ZC3H15: variants seen among roughly 807,000 people sequenced by gnomAD.
ZC3H15 encodes the protein zinc finger CCCH domain-containing protein 15.
Under a neutral mutation model 51.2 loss-of-function variants are expected in ZC3H15, and 15 were observed. The observed-to-expected ratio is 0.29, with a 90% CI of 0.20 to 0.45. ZC3H15 has a LOEUF of 0.45. Ranked by LOEUF, ZC3H15 falls within the 20% of genes least tolerant of loss-of-function variation. The pLI is 1.00. For synonymous variants in ZC3H15, 144 were observed against 162.8 expected, an observed-to-expected ratio of 0.88 and a Z score of 0.88; for missense variants, 381 against 494.7, an observed-to-expected ratio of 0.77 and a Z score of 2.18.
At chr2:186,499,101 C>T (rs1000236239) in intron 2 of ZC3H15, among the ~76,000 whole-genome samples, 10 of 152,172 alleles carry the variant, frequency 6.6e-5, no homozygotes, top group Non-Finnish European at 1.3e-4. Flanking sequence ...CTTTATACTT[C>T]ATGTTCAGTC....
In ZC3H15 at chr2:186,506,742, A is replaced by G; in HGVS notation, c.996A>G (p.Ile332Met). Residue 332 changes from isoleucine to methionine, a missense_variant, in exon 9 of 10, where the codon ATA (isoleucine) becomes ATG (methionine). Ile to Met is a conservative substitution (Grantham distance 10, BLOSUM62 1). Transcript: ENST00000337859. ...ATGATTCAGTGAGTGTAAATGACATAGATTTAAGCCTGTACATCCCAAGAG... is the reference window on the plus strand; with the variant it reads ...ATGATTCAGTGAGTGTAAATGACATGGATTTAAGCCTGTACATCCCAAGAG... ...EVDDSVSVND[I>M]DLSLYIPRDV... is the part of the protein sequence containing the mutation. 1.9e-6 allele frequency: 3 copies of G among 1,613,000 alleles called. No homozygotes were observed. Among genetic ancestry groups the G allele is most frequent in the Non-Finnish European group, 2.5e-6 (3 of 1,179,334 alleles).
chr2:186,486,583 C>A, intron 1 of ZC3H15, 126 bp downstream of exon 1: 1 of 952,762 alleles, frequency 1.0e-6, no homozygotes, highest in Non-Finnish European at 1.5e-6. Flanking sequence ...CCTGTGTGGC[C>A]CACTGCCCCT....
intron 5 of ZC3H15, 22 bp downstream of exon 5, chr2:186,502,609 A>C: frequency 6.4e-7 from 1 of 1,571,536 alleles, no homozygotes; most frequent in South Asian, 1.1e-5. Context: ...TCTTGAATTG[A>C]GTTGCTGTGA....
intron 1 of ZC3H15, among the ~76,000 whole-genome samples, chr2:186,493,302 C>G (rs910788797): frequency 6.6e-6 from 1 of 152,036 alleles, no homozygotes; most frequent in Non-Finnish European, 1.5e-5. Context: ...AGAGAACAGG[C>G]CTCTCTGCTT....
At chr2:186,496,595 T>C (rs1251166702) in intron 2 of ZC3H15, among the ~76,000 whole-genome samples, 1 of 152,220 alleles carries the variant, frequency 6.6e-6, no homozygotes, top group Non-Finnish European at 1.5e-5. Context: ...AGTCATACAT[T>C]GTTTAGTGAT....
chr2:186,495,339 G>C lies in ZC3H15; in HGVS notation c.177+5G>C, dbSNP rs1363994906. ...GGTCAACAAAATCCACGTCAGGTAA[G>C]TAATTTAAATGTCCATATCTTTTTA... On this transcript the variant is annotated splice_donor_5th_base_variant and intron_variant, in intron 2 of 9. Coordinates refer to ENST00000337859, the MANE Select transcript of ZC3H15 (RefSeq NM_018471.3). 4.1e-6 allele frequency: 6 copies of C among 1,473,990 alleles called. No individual in the cohort carries two copies. The South Asian group carries it at 7.4e-5, about 18-fold the overall frequency. The allele number at this position is 1,473,990 out of a possible 1,614,324, so 91.3% of individuals were successfully genotyped here. A position where few individuals can be genotyped will look rare whatever the true frequency, so the allele number is the denominator to read the frequency against.
chr2:186,502,748 A>G (rs983039258), intron 5 of ZC3H15, among the ~76,000 whole-genome samples, 161 bp downstream of exon 5: 3 of 152,178 alleles, frequency 2.0e-5, no homozygotes, highest in Non-Finnish European at 4.4e-5. Context: ...TGGAATTTAC[A>G]AGTTAGATTT....
At chr2:186,506,126 G>T (rs1286365051) in intron 8 of ZC3H15, 2 of 447,594 alleles carry the variant, frequency 4.5e-6, no homozygotes, top group African/African-American at 2.0e-5. Context: ...TGTATTACCT[G>T]TAAAAAGTAT....
chr2:186,497,215 CAT>C, intron 2 of ZC3H15: 1 of 396,228 alleles, frequency 2.5e-6, no homozygotes, highest in Non-Finnish European at 4.8e-6. Context: ...AAGAATTTCT[CAT>C]GTGTTTACAG....
In ZC3H15 at chr2:186,486,370, A is replaced by C; in HGVS notation, c.-13A>C. The C allele has an allele frequency of 6.5e-7, 1 of 1,533,892 alleles. No individual in the cohort carries two copies. Among genetic ancestry groups the C allele is most frequent in the Non-Finnish European group, 8.8e-7 (1 of 1,136,156 alleles). On this transcript the variant is annotated 5_prime_UTR_variant, in exon 1 of 10. Transcript: ENST00000337859. ...GCTGCGCGTAAGTCTGGCCGGTGCCATCTGTCTCCGCAATGCCCCCCAAGA... is the reference window on the plus strand; with the variant it reads ...GCTGCGCGTAAGTCTGGCCGGTGCCCTCTGTCTCCGCAATGCCCCCCAAGA...
intron 5 of ZC3H15, 105 bp from the exon 6 acceptor site, chr2:186,503,927 T>A: frequency 1.2e-6 from 1 of 864,588 alleles, no homozygotes; most frequent in Non-Finnish European, 1.7e-6. Context: ...AATGTACTTG[T>A]GTAATATAAC....
At chr2:186,508,456 G>A (rs1025415991) in intron 9 of ZC3H15, 87 bp from the exon 10 acceptor site, 1 of 1,133,198 alleles carries the variant, frequency 8.8e-7, no homozygotes, top group East Asian at 2.5e-5. Context: ...AAAAGAGGAA[G>A]TGTAGTATCA....
intron 1 of ZC3H15, among the ~76,000 whole-genome samples, chr2:186,490,128 A>C (rs1335668963): frequency 2.0e-5 from 3 of 152,148 alleles, no homozygotes; most frequent in South Asian, 2.1e-4. Context: ...TGCCTCTTCA[A>C]ATGCCCCAAA....
Position 186,508,634 on chromosome 2 carries a change from T to A in ZC3H15, c.1182T>A (p.Asn394Lys), listed in dbSNP as rs779895125. 3.1e-6 allele frequency: 5 copies of A among 1,613,922 alleles called. No homozygotes were observed. Among genetic ancestry groups the A allele is most frequent in the Non-Finnish European group, 4.2e-6 (5 of 1,179,996 alleles). ...EEDNEREGTE[N>K]GAIDAVPVDE... ...ACAACGAGAGGGAGGGAACGGAAAA[T>A]GGAGCCATTGATGCTGTTCCTGTTG... is the stretch of plus-strand genomic sequence containing the variant. The change falls in exon 10 of 10, where the codon AAT (asparagine) becomes AAA (lysine). Residue 394 changes from asparagine (N) to lysine (K), a missense_variant. Asn to Lys is a moderately conservative substitution (Grantham distance 94). Transcript: ENST00000337859.
Position 186,500,300 on chromosome 2 carries a change from T to G in ZC3H15, c.289+7T>G. ...GCTCAAAAAATAAGTAAAGGTAAAC[T>G]TAAAATTTCAGAAGTGTGATTTTTT... On this transcript the variant is annotated splice_region_variant and intron_variant, in intron 3 of 9. Coordinates refer to ENST00000337859, the MANE Select transcript of ZC3H15 (RefSeq NM_018471.3). 1 of 1,590,002 alleles carries G rather than the reference T, an allele frequency of 6.3e-7. No homozygotes were observed. The highest frequency in any genetic ancestry group is 1.4e-5 in the African/African-American group (1 of 73,726).
At chr2:186,492,405 A>G (rs1363552954) in intron 1 of ZC3H15, among the ~76,000 whole-genome samples, 1 of 152,236 alleles carries the variant, frequency 6.6e-6, no homozygotes, top group Non-Finnish European at 1.5e-5. Context: ...CAGTGCAGAA[A>G]CATCCAGCTT....
chr2:186,486,326 G>A lies in ZC3H15; in HGVS notation c.-57G>A. 10 of 1,466,164 alleles carry A rather than the reference G, an allele frequency of 6.8e-6. No individual in the cohort carries two copies. The highest frequency in any genetic ancestry group is 2.7e-5 in the South Asian group (2 of 74,484). 90.8% of individuals were successfully genotyped at this position (1,466,164 alleles called of 1,614,324 possible). ...TCCTCCTCGTCCTGCCGCAGGGCCAGAACCCCTGACGGTATTCAGCTGCGC... is the reference window on the plus strand; with the variant it reads ...TCCTCCTCGTCCTGCCGCAGGGCCAAAACCCCTGACGGTATTCAGCTGCGC... On this transcript the variant is annotated 5_prime_UTR_variant, in exon 1 of 10. Coordinates refer to ENST00000337859, the MANE Select transcript of ZC3H15 (RefSeq NM_018471.3).
intron 2 of ZC3H15, among the ~76,000 whole-genome samples, chr2:186,496,702 C>T (rs1454037323): frequency 6.6e-6 from 1 of 152,194 alleles, no homozygotes; most frequent in East Asian, 1.9e-4. Context: ...CAGCCTACTA[C>T]ACACCTAGGC....
intron 6 of ZC3H15, 153 bp from the exon 7 acceptor site, chr2:186,505,298 C>A: frequency 1.2e-6 from 1 of 858,428 alleles, no homozygotes; most frequent in Non-Finnish European, 1.6e-6. Context: ...CTCATTGCCA[C>A]GTAAAGTAAA....
Sources: gnomAD v4.1 joint callset for allele counts (sites outside exome capture counted in the v4.1 genomes callset) on GRCh38, gnomAD v4.1.1 for gene constraint, MANE v1.5 for transcripts, NCBI Gene and HGNC (gene_info 2026-07-23, HGNC 2026-07-21) for gene names.